SH3RF2: variants seen among roughly 807,000 people sequenced by gnomAD.
SH3RF2 encodes SH3 domain containing ring finger 2, also known as E3 ubiquitin-protein ligase SH3RF2.
SH3RF2 carries 43 observed loss-of-function variants against 59.0 expected under a neutral mutation model. The observed-to-expected ratio is 0.73, with a 90% CI of 0.57 to 0.94. The LOEUF (loss-of-function observed/expected upper bound fraction) is 0.94, where lower values mean the gene tolerates loss of function less well. Among genes scored for constraint, SH3RF2 ranks in the 40% least tolerant of loss-of-function variants. The pLI, the probability that SH3RF2 is intolerant of heterozygous loss-of-function variation, is 0.00. For synonymous variants in SH3RF2, 391 were observed against 391.5 expected (o/e 1.00, Z 0.01); for missense variants, 930 against 940.1 (o/e 0.99, Z 0.14).
At chr5:145,974,469 A>G (rs1759209263) in intron 2 of SH3RF2, among the ~76,000 whole-genome samples, 1 of 152,208 alleles carries the variant, frequency 6.6e-6, no homozygotes, top group Non-Finnish European at 1.5e-5. Context: ...GAAGGAAAAG[A>G]AGAGAGCAAG....
chr5:145,946,724 C>T (rs1186744870), intron 2 of SH3RF2, among the ~76,000 whole-genome samples: 1 of 152,204 alleles, frequency 6.6e-6, no homozygotes, highest in African/African-American at 2.4e-5. Flanking sequence ...TTACATCATA[C>T]ACCACAAATT....
chr5:145,948,387 T>C (rs1256910397), intron 2 of SH3RF2, among the ~76,000 whole-genome samples: 1 of 152,208 alleles, frequency 6.6e-6, no homozygotes, highest in African/African-American at 2.4e-5. Context: ...CATAAGTTGT[T>C]GGGTGGTGAG....
intron 9 of SH3RF2, among the ~76,000 whole-genome samples, chr5:146,074,440 A>G (rs1352898752): frequency 6.6e-6 from 1 of 152,052 alleles, no homozygotes; most frequent in Non-Finnish European, 1.5e-5. Context: ...CGCGTTCCCC[A>G]TCTCTACAAC....
Position 145,971,450 on chromosome 5 carries a change from C to T in SH3RF2, c.379-28608C>T, listed in dbSNP as rs538665910. On this transcript the variant is annotated intron_variant, in intron 2 of 9. Transcript: ENST00000359120. ...ATTTCACCTCCAGAATGGCTCTGTA[C>T]GGTGTCAGGATTATTATTTTCACTT... Among the ~76,000 whole-genome samples, 13 of 152,286 alleles carry T rather than the reference C, an allele frequency of 8.5e-5. No individual in the cohort carries two copies. The South Asian group carries it at 1.0e-3, about 12-fold the overall frequency.
At chr5:146,064,707 A>G (rs1046391504), downstream of SH3RF2, among the ~76,000 whole-genome samples, 151 of 12,822 alleles carry the variant, frequency 0.012, 2 homozygotes, top group East Asian at 0.03. Context: ...AGAAAGAAAG[A>G]AAGAAAGAAA....
chr5:145,989,856 T>C (rs888747223), intron 2 of SH3RF2, among the ~76,000 whole-genome samples: 1 of 152,214 alleles, frequency 6.6e-6, no homozygotes, highest in Non-Finnish European at 1.5e-5. Flanking sequence ...TACATTCCTT[T>C]TCTTTTACCC....
chr5:146,013,160 T>C (rs1416343392), intron 4 of SH3RF2, among the ~76,000 whole-genome samples: 1 of 152,204 alleles, frequency 6.6e-6, no homozygotes, highest in African/African-American at 2.4e-5. Flanking sequence ...CTTGAGCAAC[T>C]TCATTCACTC....
chr5:146,064,849 A>AAAG (rs1454358359), downstream of SH3RF2, among the ~76,000 whole-genome samples: 4 of 17,078 alleles, frequency 2.3e-4, no homozygotes, highest in Non-Finnish European at 3.7e-3. Flanking sequence ...AGAAAGAAAG[A>AAAG]AAGAAAGAAA....
At position 146,056,164 on chromosome 5, in the gene SH3RF2, G is replaced by A. The variant is rs1308373593; in HGVS notation, c.1506G>A (p.Gly502=). The part of the protein sequence containing the change: ...VNPVRSTAGP[G]TLGQGSLRKG... The stretch of plus-strand genomic sequence containing the variant: ...CCGTGAGAAGCACAGCCGGCCCTGG[G>A]ACTTTAGGACAAGGGTCTCTTCGGA... Residue 502 remains glycine, a synonymous_variant, in exon 8 of 10, where the codon GGG becomes GGA. Coordinates refer to ENST00000359120, the MANE Select transcript of SH3RF2 (RefSeq NM_152550.4). 7 of 1,614,092 alleles carry A rather than the reference G, an allele frequency of 4.3e-6. No individual in the cohort carries two copies. Among genetic ancestry groups the A allele is most frequent in the Non-Finnish European group, 5.9e-6 (7 of 1,180,050 alleles).
chr5:145,998,008 C>T, intron 2 of SH3RF2: 2 of 710,950 alleles, frequency 2.8e-6, no homozygotes. Flanking sequence ...AGCACTGGAA[C>T]CTGAAGCAGA....
intron 3 of SH3RF2, among the ~76,000 whole-genome samples, chr5:146,002,512 GGAAGGAAGGAAGGAAGGAAGGAA>G (rs1760464118): frequency 2.7e-5 from 4 of 150,542 alleles, no homozygotes; most frequent in African/African-American, 7.3e-5. Context: ...AAGGAAGGAA[GGAAGGAAGGAAGGAAGGAAGGAA>G]GGATAACCTA....
chr5:145,946,359 G>T (rs546217346), intron 2 of SH3RF2, among the ~76,000 whole-genome samples: 2 of 152,278 alleles, frequency 1.3e-5, no homozygotes, highest in South Asian at 4.1e-4. Context: ...AGAGCACCCA[G>T]CCCACAGCTT....
chr5:146,048,589 C>G (rs1317113402), intron 6 of SH3RF2, among the ~76,000 whole-genome samples: 1 of 152,198 alleles, frequency 6.6e-6, no homozygotes, highest in Non-Finnish European at 1.5e-5. Flanking sequence ...TGATAAAACG[C>G]TCCAATGTCT....
At chr5:145,977,351 G>C (rs1759334465) in intron 2 of SH3RF2, among the ~76,000 whole-genome samples, 1 of 152,188 alleles carries the variant, frequency 6.6e-6, no homozygotes, top group Non-Finnish European at 1.5e-5. Context: ...TTGATGCCTT[G>C]CTTACATTAA....
intron 2 of SH3RF2, among the ~76,000 whole-genome samples, chr5:145,977,447 T>C (rs1451214768): frequency 6.6e-6 from 1 of 152,218 alleles, no homozygotes; most frequent in Non-Finnish European, 1.5e-5. Context: ...TACATATATC[T>C]GTACAAGGTA....
intron 7 of SH3RF2, among the ~76,000 whole-genome samples, chr5:146,051,496 G>A (rs141560176): frequency 1.4e-4 from 22 of 152,288 alleles, no homozygotes; most frequent in Non-Finnish European, 3.1e-4. Context: ...GGGAGAAGTG[G>A]TTAGATTCTG....
intron 9 of SH3RF2, among the ~76,000 whole-genome samples, chr5:146,060,694 G>T (rs1762856670): frequency 6.6e-6 from 1 of 152,166 alleles, no homozygotes; most frequent in African/African-American, 2.4e-5. Flanking sequence ...CTTACATAGG[G>T]TTTGACACAT....
intron 2 of SH3RF2, among the ~76,000 whole-genome samples, chr5:145,942,506 G>T (rs1006799101): frequency 6.6e-6 from 1 of 152,196 alleles, no homozygotes; most frequent in Non-Finnish European, 1.5e-5. Flanking sequence ...CAGGGAATGA[G>T]GCTGGGTAGA....
chr5:145,955,474 A>G (rs911963751), intron 2 of SH3RF2, among the ~76,000 whole-genome samples: 1 of 152,196 alleles, frequency 6.6e-6, no homozygotes, highest in Non-Finnish European at 1.5e-5. Flanking sequence ...TACCTGGGTG[A>G]CAGGATCATT....
Sources: allele counts gnomAD v4.1 joint callset (sites outside exome capture counted in the v4.1 genomes callset), GRCh38; gene constraint gnomAD v4.1.1; transcripts MANE v1.5; gene names NCBI Gene and HGNC (gene_info 2026-07-23, HGNC 2026-07-21).